MIA2: variants seen among roughly 807,000 people sequenced by gnomAD.
The protein encoded by MIA2 is MIA SH3 domain ER export factor 2, also known as melanoma inhibitory activity protein 2.
MIA2 carries 127 observed loss-of-function variants against 167.8 expected under a neutral mutation model. That is an observed-to-expected ratio of 0.76 (90% CI 0.66 to 0.88). The LOEUF (loss-of-function observed/expected upper bound fraction) is 0.88, where lower values mean the gene tolerates loss of function less well. Among genes scored for constraint, MIA2 ranks in the 40% least tolerant of loss-of-function variants. The probability of loss-of-function intolerance (pLI) is 0.00; values close to 1 mark genes in which losing one functional copy is unlikely to be tolerated. For missense variants in MIA2, 1,690 were observed against 1,624.7 expected, an observed-to-expected ratio of 1.04 and a Z score of -0.69; for synonymous variants, 552 against 541.9, an observed-to-expected ratio of 1.02 and a Z score of -0.26.
chr14:39,266,893 C>A, intron 6 of MIA2: 1 of 705,982 alleles, frequency 1.4e-6, no homozygotes, highest in Non-Finnish European at 1.7e-6. Flanking sequence ...GCCGCCGCCG[C>A]CACCGCGGCC....
intron 26 of MIA2, among the ~76,000 whole-genome samples, chr14:39,346,734 A>G (rs1454307337): frequency 6.7e-6 from 1 of 149,694 alleles, no homozygotes; most frequent in Non-Finnish European, 1.5e-5. Flanking sequence ...ATAGTAGACT[A>G]TATAATATAG....
chr14:39,372,609 GA>G (rs1294762904), intron 23 of MIA2, among the ~76,000 whole-genome samples: 4 of 152,142 alleles, frequency 2.6e-5, no homozygotes, highest in Non-Finnish European at 5.9e-5. Context: ...TTGAGAAGAG[GA>G]ATCTAAGAGT....
At chr14:39,242,557 A>C (rs1337878696) in intron 3 of MIA2, among the ~76,000 whole-genome samples, 1 of 151,772 alleles carries the variant, frequency 6.6e-6, no homozygotes, top group Non-Finnish European at 1.5e-5. Context: ...TCCTGACCTC[A>C]AGTGATCCAC....
chr14:39,386,944 C>T lies in MIA2; in HGVS notation c.2308C>T (p.Gln770Ter). ...TTCAGGTAGGGGCCTAGGAGGGCCC[C>T]AGAAATGAAGCCGAAGCATTGGCGG... The change falls in exon 24 of 24, where the codon CAG (glutamine) becomes TAG (stop). Residue 770 changes from glutamine to a stop codon, truncating the protein, a stop_gained. Transcript: ENST00000341502. LOFTEE classifies it high-confidence loss of function. 1 of 781,012 alleles carries T rather than the reference C, an allele frequency of 1.3e-6. No homozygotes were observed. The allele number at this position is 781,012 out of a possible 1,614,324, so 48.4% of individuals were successfully genotyped here.
At chr14:39,257,006 T>C (rs910932395) in intron 6 of MIA2, among the ~76,000 whole-genome samples, 1 of 152,196 alleles carries the variant, frequency 6.6e-6, no homozygotes, top group East Asian at 1.9e-4. Flanking sequence ...TTGCATTTGC[T>C]GAGGTGTGTT....
chr14:39,352,800 T>C (rs1345933041), downstream of MIA2, among the ~76,000 whole-genome samples: 1 of 152,224 alleles, frequency 6.6e-6, no homozygotes, highest in East Asian at 1.9e-4. Flanking sequence ...TATTTTGAAG[T>C]ATGTATGCAT....
intron 10 of MIA2, 79 bp from the exon 11 acceptor site, chr14:39,293,192 A>G (rs753331621): frequency 4.8e-5 from 46 of 954,384 alleles, no homozygotes; most frequent in Non-Finnish European, 6.8e-5. Context: ...CTTATAGTAC[A>G]TATTTTTTAT....
intron 18 of MIA2, among the ~76,000 whole-genome samples, chr14:39,312,945 C>T (rs554202890): frequency 5.9e-5 from 9 of 151,662 alleles, no homozygotes; most frequent in African/African-American, 2.2e-4. Flanking sequence ...AATCACTAAC[C>T]AATATAAAAA....
intron 6 of MIA2, among the ~76,000 whole-genome samples, chr14:39,271,201 A>G (rs2057082770): frequency 6.6e-6 from 1 of 152,162 alleles, no homozygotes; most frequent in Non-Finnish European, 1.5e-5. Context: ...TTATTCTAGT[A>G]TGATTTGTTT....
chr14:39,300,131 A>G (rs186291245), intron 14 of MIA2, 145 bp downstream of exon 14: 1 of 1,003,346 alleles, frequency 1.0e-6, no homozygotes, highest in African/African-American at 1.7e-5. Context: ...TTTCTTGAAG[A>G]CTTACAGATT....
intron 6 of MIA2, among the ~76,000 whole-genome samples, chr14:39,275,571 TTAAAG>T (rs747388211): frequency 3.3e-4 from 50 of 152,326 alleles, no homozygotes; most frequent in Non-Finnish European, 4.9e-4. Flanking sequence ...GAATTGCCTT[TTAAAG>T]TAGAGTGTCA....
rs887322098 is a variant in MIA2, at chr14:39,380,277, A to G, written c.2249-6608A>G. On this transcript the variant is annotated intron_variant, in intron 23 of 23. Coordinates refer to the MIA2 transcript ENST00000341502. Reference sequence around the variant, plus strand: ...AGAAAGCTGAAAACAGAGAGACACAATAAAAGTTAAACTTTTGGGTCAAAC... The same window carrying G: ...AGAAAGCTGAAAACAGAGAGACACAGTAAAAGTTAAACTTTTGGGTCAAAC... Among the ~76,000 whole-genome samples the G allele has an allele frequency of 2.0e-5, 3 of 152,232 alleles. 1 individual carries two copies.
At chr14:39,300,974 A>G (rs1223604102) in intron 14 of MIA2, among the ~76,000 whole-genome samples, 1 of 147,168 alleles carries the variant, frequency 6.8e-6, no homozygotes, top group Non-Finnish European at 1.5e-5. Flanking sequence ...ACATATATAC[A>G]CATATATACA....
intron 9 of MIA2, among the ~76,000 whole-genome samples, chr14:39,280,126 T>G (rs1327340429): frequency 1.3e-5 from 2 of 152,204 alleles, no homozygotes; most frequent in African/African-American, 4.8e-5. Flanking sequence ...GACCATCTTT[T>G]CTCTGTTGTT....
intron 12 of MIA2, 23 bp downstream of exon 12, chr14:39,294,094 G>T (rs753791920): frequency 6.6e-7 from 1 of 1,509,600 alleles, no homozygotes; most frequent in South Asian, 1.2e-5. Flanking sequence ...AGTCTAGTAG[G>T]TCTGTTGCTT....
chr14:39,371,887 G>T (rs2074953835), intron 23 of MIA2, among the ~76,000 whole-genome samples: 1 of 152,040 alleles, frequency 6.6e-6, no homozygotes, highest in South Asian at 2.1e-4. Context: ...ATCTTTCTGT[G>T]TAGGGGCAAC....
intron 6 of MIA2, among the ~76,000 whole-genome samples, chr14:39,258,315 A>G (rs1382228067): frequency 6.6e-6 from 1 of 152,042 alleles, no homozygotes; most frequent in African/African-American, 2.4e-5. Flanking sequence ...TCTTGTCTTC[A>G]CGCCTTATTT....
chr14:39,277,778 A>T (rs1329367428), intron 7 of MIA2, among the ~76,000 whole-genome samples: 6 of 101,622 alleles, frequency 5.9e-5, no homozygotes, highest in Admixed American at 4.2e-4. Context: ...ATATATATAT[A>T]TATTTATATT....
At position 39,247,169 on chromosome 14, in the gene MIA2, G is replaced by T. The variant is rs750704296; in HGVS notation, c.595G>T (p.Val199Leu). The change falls in exon 4 of 29, where the codon GTA becomes TTA. Residue 199 changes from valine to leucine, a missense_variant. By Grantham distance (32) the Val-to-Leu change is conservative. Transcript: ENST00000640607. ...STSESKDWEE[V>L]VVESMEQDRI... Reference sequence around the variant, plus strand: ...CAGTGAATCAAAAGACTGGGAAGAAGTAGTTGTTGAAAGTATGGAACAGGA... The same window carrying T: ...CAGTGAATCAAAAGACTGGGAAGAATTAGTTGTTGAAAGTATGGAACAGGA... 1 of 1,614,154 alleles carries T rather than the reference G, an allele frequency of 6.2e-7. No homozygotes were observed. Among genetic ancestry groups the T allele is most frequent in the Non-Finnish European group, 8.5e-7 (1 of 1,180,032 alleles).
Sources: allele counts gnomAD v4.1 joint callset (sites outside exome capture counted in the v4.1 genomes callset), GRCh38; gene constraint gnomAD v4.1.1; transcripts MANE v1.5; gene names NCBI Gene and HGNC (gene_info 2026-07-23, HGNC 2026-07-21).